MCTP1: variants seen among roughly 807,000 people sequenced by gnomAD.
The protein encoded by MCTP1 is multiple C2 and transmembrane domain containing 1, also known as multiple C2 and transmembrane domain-containing protein 1.
Under a neutral mutation model 120.6 loss-of-function variants are expected in MCTP1, and 69 were observed. The observed-to-expected ratio is 0.57, with a 90% CI of 0.47 to 0.70. The LOEUF (loss-of-function observed/expected upper bound fraction) is 0.70. Among genes scored for constraint, MCTP1 ranks in the 30% least tolerant of loss-of-function variants. The pLI is 0.00. For missense variants in MCTP1, 1,203 were observed against 1,248.8 expected (o/e 0.96, Z 0.55); for synonymous variants, 529 against 493.1 (o/e 1.07, Z -0.96).
Position 95,124,720 on chromosome 5 carries a change from C to G in MCTP1, c.721-107236G>C, listed in dbSNP as rs571094091. On this transcript the variant is annotated intron_variant, in intron 1 of 22. Coordinates refer to ENST00000515393, the MANE Select transcript of MCTP1 (RefSeq NM_024717.7). The stretch of plus-strand genomic sequence containing the variant: ...AGAACTTATACTCTATATCATTTCC[C>G]TCAAATATATGATCCCACTATGCAG... Among the ~76,000 whole-genome samples, 5 of 152,278 alleles carry G rather than the reference C, an allele frequency of 3.3e-5. No homozygotes were observed. In the East Asian group the frequency reaches 7.7e-4, roughly 23 times the overall value.
intron 12 of MCTP1, among the ~76,000 whole-genome samples, chr5:94,881,638 T>C (rs1800107836): frequency 6.6e-6 from 1 of 152,114 alleles, no homozygotes; most frequent in South Asian, 2.1e-4. Context: ...AAGAGTTACC[T>C]AACTTCTCCA....
intron 9 of MCTP1, among the ~76,000 whole-genome samples, chr5:94,911,309 T>C (rs1277508575): frequency 1.3e-5 from 2 of 152,178 alleles, no homozygotes; most frequent in Admixed American, 1.3e-4. Flanking sequence ...AAAGAGGACA[T>C]AGTTCATTAC....
chr5:94,745,099 T>C (rs888722977), intron 19 of MCTP1, among the ~76,000 whole-genome samples: 1 of 152,170 alleles, frequency 6.6e-6, no homozygotes, highest in African/African-American at 2.4e-5. Flanking sequence ...CCCAGCCACT[T>C]CTCATGACCA....
chr5:94,826,153 A>G (rs1787021440), intron 17 of MCTP1: 1 of 369,414 alleles, frequency 2.7e-6, no homozygotes, highest in Non-Finnish European at 5.3e-6. Flanking sequence ...AGATGATGCC[A>G]TATTTACCAA....
intron 1 of MCTP1, among the ~76,000 whole-genome samples, chr5:95,039,616 A>T (rs995680481): frequency 2.6e-5 from 4 of 152,202 alleles, no homozygotes; most frequent in Non-Finnish European, 5.9e-5. Context: ...TTTACTCAGT[A>T]AACAAGTCTG....
At chr5:94,834,648 G>A (rs1167952578) in intron 17 of MCTP1, among the ~76,000 whole-genome samples, 1 of 152,048 alleles carries the variant, frequency 6.6e-6, no homozygotes, top group Non-Finnish European at 1.5e-5. Context: ...ACATCATAGC[G>A]CAATTCAAAG....
chr5:94,714,644 A>T (rs1271016033), intron 20 of MCTP1, 133 bp downstream of exon 20: 4 of 687,550 alleles, frequency 5.8e-6, no homozygotes, highest in Non-Finnish European at 1.0e-5. Context: ...AAAGTAAATA[A>T]TGATGAAACT....
At chr5:95,188,584 T>C (rs9314132) in intron 1 of MCTP1, among the ~76,000 whole-genome samples, 24,411 of 152,090 alleles carry the variant, frequency 0.16, 2,438 homozygotes, top group Non-Finnish European at 0.22. Context: ...AAAATGTCAA[T>C]CTTAAAAGTT....
intron 1 of MCTP1, among the ~76,000 whole-genome samples, chr5:95,047,044 A>G (rs1406600813): frequency 6.6e-6 from 1 of 152,200 alleles, no homozygotes; most frequent in African/African-American, 2.4e-5. Flanking sequence ...AATGTCTGAC[A>G]TGGTGAGCAC....
At chr5:94,924,689 T>A (rs1812570477) in intron 6 of MCTP1, among the ~76,000 whole-genome samples, 1 of 152,164 alleles carries the variant, frequency 6.6e-6, no homozygotes, top group South Asian at 2.1e-4. Flanking sequence ...AAAATAGCTA[T>A]CCATTTTTAA....
At chr5:95,000,803 G>A (rs942023582) in intron 2 of MCTP1, among the ~76,000 whole-genome samples, 1 of 152,196 alleles carries the variant, frequency 6.6e-6, no homozygotes, top group Non-Finnish European at 1.5e-5. Context: ...TAAGTGTACA[G>A]TGTGTATCAC....
chr5:95,113,766 T>C (rs145948968), intron 1 of MCTP1, among the ~76,000 whole-genome samples: 79 of 152,134 alleles, frequency 5.2e-4, no homozygotes, highest in African/African-American at 1.9e-3. Context: ...TCTGAGTCAG[T>C]AGACTTAAAG....
chr5:94,992,590 A>G (rs1344134788), intron 2 of MCTP1, among the ~76,000 whole-genome samples: 1 of 152,136 alleles, frequency 6.6e-6, no homozygotes, highest in African/African-American at 2.4e-5. Context: ...CAGCCACAGG[A>G]GTGCGTTTGG....
At chr5:95,277,099 G>A (rs763609376) in intron 1 of MCTP1, among the ~76,000 whole-genome samples, 1 of 152,122 alleles carries the variant, frequency 6.6e-6, no homozygotes, top group Non-Finnish European at 1.5e-5. Flanking sequence ...AAGTGAGGAT[G>A]TATAGGCAGG....
chr5:94,822,775 T>A (rs1166886043), intron 17 of MCTP1, among the ~76,000 whole-genome samples: 1 of 152,248 alleles, frequency 6.6e-6, no homozygotes, highest in African/African-American at 2.4e-5. Flanking sequence ...GGTATCTCAC[T>A]GTGGTTTTGA....
In MCTP1 at chr5:95,061,408, G is replaced by GTTGTTTTTTTTTTTTTTT. The variant is rs1749067994; in HGVS notation, c.721-43925_721-43924insAAAAAAAAAAAAAAACAA. Among the ~76,000 whole-genome samples the GTTGTTTTTTTTTTTTTTT allele has an allele frequency of 1.2e-3, 39 of 33,482 alleles. 12 individuals are homozygous for GTTGTTTTTTTTTTTTTTT. The highest frequency in any genetic ancestry group is 2.1e-3 in the Non-Finnish European group (33 of 16,074). The allele number at this position is 33,482 out of a possible 152,430, so 22.0% of individuals were successfully genotyped here. ...ATCAATTTTCACAAACCCCTTAAGG[G>GTTGTTTTTTTTTTTTTTT]TTTTTTTTTTTTTTTTTTTTTTTTT... On this transcript the variant is annotated intron_variant, in intron 1 of 22. Transcript: ENST00000515393.
chr5:94,807,994 T>C (rs959266179), intron 17 of MCTP1, among the ~76,000 whole-genome samples: 2 of 152,120 alleles, frequency 1.3e-5, no homozygotes, highest in African/African-American at 4.8e-5. Flanking sequence ...AGAGAAAAAA[T>C]TGTCCTTATA....
intron 1 of MCTP1, among the ~76,000 whole-genome samples, chr5:95,148,566 T>C (rs1327442321): frequency 6.6e-6 from 1 of 152,250 alleles, no homozygotes; most frequent in East Asian, 1.9e-4. Flanking sequence ...TTTCTTAAAA[T>C]GGCTATTTCA....
intron 19 of MCTP1, among the ~76,000 whole-genome samples, chr5:94,759,487 A>G (rs1236662211): frequency 6.6e-6 from 1 of 152,244 alleles, no homozygotes; most frequent in Admixed American, 6.5e-5. Flanking sequence ...TGCATTAAAA[A>G]TGTAATACTA....
Sources: gnomAD v4.1 joint callset for allele counts (sites outside exome capture counted in the v4.1 genomes callset) on GRCh38, gnomAD v4.1.1 for gene constraint, MANE v1.5 for transcripts, NCBI Gene and HGNC (gene_info 2026-07-23, HGNC 2026-07-21) for gene names.